MLLT3: variants seen among roughly 807,000 people sequenced by gnomAD.
MLLT3 encodes the protein MLLT3 super elongation complex subunit.
Under a neutral mutation model 53.2 loss-of-function variants are expected in MLLT3, and 4 were observed. The observed-to-expected ratio is 0.08, with a 90% CI of 0.04 to 0.17. The LOEUF is 0.17. Ranked by LOEUF, MLLT3 falls within the 10% of genes least tolerant of loss-of-function variation. The probability of loss-of-function intolerance (pLI) is 1.00; values close to 1 mark genes in which losing one functional copy is unlikely to be tolerated. For missense variants in MLLT3, 569 were observed against 684.0 expected (o/e 0.83, Z 1.87); for synonymous variants, 283 against 230.6 (o/e 1.23, Z -2.06).
intron 3 of MLLT3, among the ~76,000 whole-genome samples, chr9:20,449,158 C>CA (rs1379405595): frequency 6.6e-6 from 1 of 152,126 alleles, no homozygotes; most frequent in Non-Finnish European, 1.5e-5. Context: ...TCACCCTTGC[C>CA]ACGTCTTAGA....
chr9:20,458,445 C>G (rs1563973645), intron 2 of MLLT3, among the ~76,000 whole-genome samples: 1 of 152,176 alleles, frequency 6.6e-6, no homozygotes, highest in Non-Finnish European at 1.5e-5. Flanking sequence ...GGTTCCTCTT[C>G]TAGACAATCT....
chr9:20,405,643 T>C (rs1183231583), intron 5 of MLLT3, among the ~76,000 whole-genome samples: 1 of 152,214 alleles, frequency 6.6e-6, no homozygotes, highest in African/African-American at 2.4e-5. Flanking sequence ...AGGTCTACCA[T>C]GGAGGGAGTA....
At chr9:20,461,759 C>G (rs1052696029) in intron 2 of MLLT3, among the ~76,000 whole-genome samples, 3 of 152,072 alleles carry the variant, frequency 2.0e-5, no homozygotes, top group Admixed American at 6.6e-5. Flanking sequence ...CATCCCTTTA[C>G]CCTATTTGTT....
rs564780024 is a variant in MLLT3, at chr9:20,422,249, T to C, written c.421-7824A>G. Reference sequence around the variant, plus strand: ...AAAAGAAAGGTCTCCTGTTATGAAATACAATGCTTTGGAAGGTTTTACTTG... The same window carrying C: ...AAAAGAAAGGTCTCCTGTTATGAAACACAATGCTTTGGAAGGTTTTACTTG... On this transcript the variant is annotated intron_variant, in intron 4 of 10. Transcript: ENST00000380338. 7.9e-5 allele frequency among the ~76,000 whole-genome samples: 12 copies of C among 152,296 alleles called. No individual in the cohort carries two copies. In the South Asian group the frequency reaches 1.7e-3, roughly 21 times the overall value.
chr9:20,476,807 G>C (rs937433802), intron 2 of MLLT3, among the ~76,000 whole-genome samples: 1 of 152,082 alleles, frequency 6.6e-6, no homozygotes, highest in Non-Finnish European at 1.5e-5. Flanking sequence ...ATATTAAATA[G>C]AAATTGTTAA....
intron 4 of MLLT3, among the ~76,000 whole-genome samples, chr9:20,430,649 C>A (rs1823243368): frequency 6.6e-6 from 1 of 152,012 alleles, no homozygotes; most frequent in Non-Finnish European, 1.5e-5. Context: ...GACAAAACTT[C>A]TAAAACTTTT....
In MLLT3 at chr9:20,485,232, G is replaced by A. The variant is rs185552144; in HGVS notation, c.194-28446C>T. ...TTGAGCTCCTGACCTCAGGTGATCC[G>A]CCCGCCTTGGCCTCCCAAAGTACTG... On this transcript the variant is annotated intron_variant, in intron 2 of 10. Coordinates refer to ENST00000380338, the MANE Select transcript of MLLT3 (RefSeq NM_004529.4). Among the ~76,000 whole-genome samples the A allele has an allele frequency of 2.8e-3, 430 of 152,130 alleles. 1 individual carries two copies. The highest frequency in any genetic ancestry group is 0.01 in the Middle Eastern group (3 of 294).
chr9:20,367,349 C>G (rs948649784), intron 5 of MLLT3, among the ~76,000 whole-genome samples: 1 of 152,188 alleles, frequency 6.6e-6, no homozygotes, highest in Non-Finnish European at 1.5e-5. Flanking sequence ...CTTTGCTCCC[C>G]AGATAGTCTG....
chr9:20,370,965 C>A (rs1045227170), intron 5 of MLLT3, among the ~76,000 whole-genome samples: 2 of 152,186 alleles, frequency 1.3e-5, no homozygotes, highest in African/African-American at 4.8e-5. Context: ...AAAAGTGCTA[C>A]TCCAGTGAAC....
chr9:20,482,522 CAATT>C (rs1308551977), intron 2 of MLLT3, among the ~76,000 whole-genome samples: 1 of 152,074 alleles, frequency 6.6e-6, no homozygotes, highest in Non-Finnish European at 1.5e-5. Context: ...CGAGTAAAAT[CAATT>C]AAGATCTTTA....
intron 3 of MLLT3, among the ~76,000 whole-genome samples, chr9:20,454,317 C>T (rs1165713633): frequency 3.3e-5 from 5 of 152,000 alleles, no homozygotes; most frequent in Admixed American, 2.6e-4. Flanking sequence ...GCCTCTTCAT[C>T]CTTTACTTGT....
chr9:20,402,652 G>A (rs575294929), intron 5 of MLLT3, among the ~76,000 whole-genome samples: 50 of 152,146 alleles, frequency 3.3e-4, no homozygotes, highest in African/African-American at 1.0e-3. Flanking sequence ...TTTCCGTTTT[G>A]CCTAGTGATT....
intron 2 of MLLT3, among the ~76,000 whole-genome samples, chr9:20,604,805 C>T (rs1172045886): frequency 2.0e-5 from 3 of 152,024 alleles, no homozygotes; most frequent in Non-Finnish European, 2.9e-5. Flanking sequence ...GAATGGATAA[C>T]GAAAACAAAA....
chr9:20,414,513 G>A (rs1393530277), intron 4 of MLLT3, 88 bp from the exon 5 acceptor site: 1 of 1,565,268 alleles, frequency 6.4e-7, no homozygotes, highest in Non-Finnish European at 8.6e-7. Context: ...ATCCTTCTTT[G>A]ATTCCTCTCA....
intron 5 of MLLT3, among the ~76,000 whole-genome samples, chr9:20,376,618 AAAATGGCC>A (rs1183316516): frequency 6.6e-6 from 1 of 152,168 alleles, no homozygotes; most frequent in Non-Finnish European, 1.5e-5. Context: ...ATTAGGAAAT[AAAATGGCC>A]TCGGGGAGCA....
At chr9:20,515,888 T>C (rs1022370068) in intron 2 of MLLT3, among the ~76,000 whole-genome samples, 2 of 152,172 alleles carry the variant, frequency 1.3e-5, no homozygotes, top group Non-Finnish European at 2.9e-5. Context: ...GGGGAGTATG[T>C]CTGAAGAAAA....
intron 2 of MLLT3, among the ~76,000 whole-genome samples, chr9:20,551,522 T>C (rs1563813666): frequency 3.3e-5 from 5 of 152,342 alleles, no homozygotes; most frequent in East Asian, 3.9e-4. Flanking sequence ...CAGACCCTTC[T>C]GATTGGTCAT....
intron 5 of MLLT3, chr9:20,411,190 T>C (rs1421335978): frequency 1.3e-5 from 2 of 152,520 alleles, no homozygotes; most frequent in East Asian, 3.9e-4. Flanking sequence ...TAGCAGTCCA[T>C]AGCAGTCCAT....
Position 20,448,372 on chromosome 9 carries a change from C to G in MLLT3, c.277-106G>C, listed in dbSNP as rs1159000959. ...AAGAAATAGAAAAGAACTAAGACAT[C>G]TAACAGCTAAACTGTCAAAGTAGTA... On this transcript the variant is annotated intron_variant, in intron 3 of 10. Transcript: ENST00000380338. The surrounding 1 kb of genome is among the most constrained non-coding windows in gnomAD (Gnocchi z 4.0). 2 of 979,086 alleles carry G rather than the reference C, an allele frequency of 2.0e-6. No homozygotes were observed. Among genetic ancestry groups the G allele is most frequent in the African/African-American group, 1.6e-5 (1 of 60,918 alleles). The allele number at this position is 979,086 out of a possible 1,614,324, so 60.6% of individuals were successfully genotyped here. A position where few individuals can be genotyped will look rare whatever the true frequency, so the allele number is the denominator to read the frequency against.
Sources: gnomAD v4.1 joint callset for allele counts (sites outside exome capture counted in the v4.1 genomes callset) on GRCh38, gnomAD v4.1.1 for gene constraint, Gnocchi (gnomAD v3.1) non-coding constraint, MANE v1.5 for transcripts, NCBI Gene and HGNC (gene_info 2026-07-23, HGNC 2026-07-21) for gene names.